Variants in FANCC observed in about 807,000 individuals in gnomAD.
The protein encoded by FANCC is Fanconi anemia group C protein.
Under a neutral mutation model 71.3 loss-of-function variants are expected in FANCC, and 55 were observed. The ratio of observed to expected loss-of-function variants is 0.77; its 90% CI spans 0.62 to 0.97. The LOEUF (loss-of-function observed/expected upper bound fraction) is 0.97. Among genes scored for constraint, FANCC ranks in the 50% least tolerant of loss-of-function variants. FANCC has a pLI of 0.00. For missense variants in FANCC, 678 were observed against 670.9 expected, an observed-to-expected ratio of 1.01 and a Z score of -0.12; for synonymous variants, 275 against 244.9, an observed-to-expected ratio of 1.12 and a Z score of -1.15.
chr9:95,271,924 C>CTTT (rs1300486732), intron 1 of FANCC, among the ~76,000 whole-genome samples: 23 of 67,210 alleles, frequency 3.4e-4, no homozygotes, highest in South Asian at 5.3e-4. Context: ...CATCAAGCCT[C>CTTT]TTCTTTTTTT....
intron 4 of FANCC, among the ~76,000 whole-genome samples, chr9:95,190,941 T>C (rs1393302187): frequency 6.6e-6 from 1 of 152,164 alleles, no homozygotes; most frequent in Non-Finnish European, 1.5e-5. Context: ...CCCGTGGTTT[T>C]GGATGCCATT....
intron 7 of FANCC, among the ~76,000 whole-genome samples, chr9:95,149,281 G>T (rs564727678): frequency 3.3e-5 from 5 of 152,118 alleles, no homozygotes; most frequent in African/African-American, 1.2e-4. Context: ...TAGTCGCTGG[G>T]GCCTACCTGA....
intron 4 of FANCC, among the ~76,000 whole-genome samples, chr9:95,204,457 C>A (rs748893745): frequency 7.8e-4 from 118 of 152,152 alleles, no homozygotes; most frequent in Non-Finnish European, 9.7e-4. Context: ...GTGGGAACCA[C>A]AACATGAGTC....
chr9:95,292,635 C>G (rs529476689), intron 1 of FANCC: 2 of 1,408,938 alleles, frequency 1.4e-6, no homozygotes, highest in Non-Finnish European at 2.0e-6. Context: ...CAGCCCCGCG[C>G]TCAACATGCA....
intron 4 of FANCC, among the ~76,000 whole-genome samples, chr9:95,181,151 C>T (rs1057189514): frequency 6.3e-5 from 7 of 110,700 alleles, no homozygotes; most frequent in East Asian, 5.6e-4. Context: ...CACACACACA[C>T]GTACACATTG....
intron 7 of FANCC, among the ~76,000 whole-genome samples, chr9:95,141,769 T>G (rs912958559): frequency 6.6e-6 from 1 of 152,130 alleles, no homozygotes; most frequent in African/African-American, 2.4e-5. Flanking sequence ...ATAAATTAGG[T>G]TCTTCTGATA....
intron 2 of FANCC, 23 bp from the exon 3 acceptor site, chr9:95,247,539 G>C: frequency 6.6e-7 from 1 of 1,504,162 alleles, no homozygotes; most frequent in East Asian, 2.3e-5. Flanking sequence ...AATAAATTTT[G>C]GTCAGTAAAG....
At chr9:95,139,059 C>T (rs947774302) in intron 7 of FANCC, among the ~76,000 whole-genome samples, 3 of 152,222 alleles carry the variant, frequency 2.0e-5, no homozygotes, top group African/African-American at 7.2e-5. Context: ...GAAGCAGTAT[C>T]ATCTTGATAT....
chr9:95,174,686 G>C (rs113333439), intron 4 of FANCC, among the ~76,000 whole-genome samples: 15 of 152,138 alleles, frequency 9.9e-5, no homozygotes, highest in African/African-American at 3.6e-4. Flanking sequence ...ACTGCATTTT[G>C]TGATAACACA....
intron 1 of FANCC, among the ~76,000 whole-genome samples, chr9:95,249,907 C>G (rs1831224101): frequency 6.6e-6 from 1 of 151,976 alleles, no homozygotes; most frequent in Non-Finnish European, 1.5e-5. Context: ...TAATTTATTC[C>G]ACATGTAACA....
intron 4 of FANCC, among the ~76,000 whole-genome samples, chr9:95,221,801 A>T (rs1485889374): frequency 1.3e-5 from 2 of 152,210 alleles, no homozygotes; most frequent in Non-Finnish European, 2.9e-5. Flanking sequence ...TACCAAAACC[A>T]CTTTGAGAGA....
intron 1 of FANCC, among the ~76,000 whole-genome samples, chr9:95,301,733 C>T (rs1371152303): frequency 1.3e-5 from 2 of 151,842 alleles, no homozygotes; most frequent in African/African-American, 4.8e-5. Context: ...TGCATTTTTT[C>T]CCTGTGTTTT....
chr9:95,122,223 T>C (rs957174946), intron 10 of FANCC, among the ~76,000 whole-genome samples: 4 of 152,116 alleles, frequency 2.6e-5, no homozygotes, highest in African/African-American at 9.7e-5. Flanking sequence ...GATAGACATA[T>C]ATTCAGATTA....
Position 95,291,282 on chromosome 9 carries a change from ACTGT to A in FANCC, c.-79+26240_-79+26243del, listed in dbSNP as rs1276841841. The stretch of plus-strand genomic sequence containing the variant: ...TCCAAACTGGAAAGGAGGAAGTTAA[ACTGT>A]CTATGTTTACAGATGACACAGTACA... On this transcript the variant is annotated intron_variant, in intron 1 of 14. Coordinates refer to ENST00000289081, the MANE Select transcript of FANCC (RefSeq NM_000136.3). Among the ~76,000 whole-genome samples, 18 of 152,304 alleles carry A rather than the reference ACTGT, an allele frequency of 1.2e-4. No homozygotes were observed. The East Asian group carries it at 3.3e-3, about 28-fold the overall frequency.
At chr9:95,178,129 A>G (rs920243289) in intron 4 of FANCC, among the ~76,000 whole-genome samples, 2 of 152,092 alleles carry the variant, frequency 1.3e-5, no homozygotes, top group Non-Finnish European at 1.5e-5. Flanking sequence ...GTAGCCCAGG[A>G]AAGTCAAAAG....
At chr9:95,183,508 T>C (rs1010400884) in intron 4 of FANCC, among the ~76,000 whole-genome samples, 2 of 152,244 alleles carry the variant, frequency 1.3e-5, no homozygotes, top group African/African-American at 4.8e-5. Context: ...GTGACCTTGT[T>C]ATAGGAGAAC....
At chr9:95,148,106 C>G (rs1366057980) in intron 7 of FANCC, among the ~76,000 whole-genome samples, 1 of 151,966 alleles carries the variant, frequency 6.6e-6, no homozygotes, top group Non-Finnish European at 1.5e-5. Flanking sequence ...TCTTCACCAC[C>G]ACACACACAC....
At position 95,294,731 on chromosome 9, in the gene FANCC, C is replaced by A. The variant is rs894521855; in HGVS notation, c.-79+22795G>T. On this transcript the variant is annotated intron_variant, in intron 1 of 14. Coordinates refer to ENST00000289081, the MANE Select transcript of FANCC (RefSeq NM_000136.3). ...GACGACTTTCTTCTGGCTGATATGG[C>A]CTGGAACATGATGGAGTCTCAGTTC... 6.9e-6 allele frequency: 11 copies of A among 1,602,022 alleles called. No homozygotes were observed. The East Asian group carries it at 2.0e-4, about 29-fold the overall frequency.
intron 1 of FANCC, among the ~76,000 whole-genome samples, chr9:95,252,274 C>CAAAAAAAAAAAAAAAAAAAAAAAAAA (rs71366284): frequency 6.4e-4 from 32 of 50,076 alleles, no homozygotes; most frequent in South Asian, 1.1e-3. Flanking sequence ...GAGACTGATT[C>CAAAAAAAAAAAAAAAAAAAAAAAAAA]AAAAAAAAAA....
Sources: gnomAD v4.1 joint callset for allele counts (sites outside exome capture counted in the v4.1 genomes callset) on GRCh38, gnomAD v4.1.1 for gene constraint, MANE v1.5 for transcripts, NCBI Gene and HGNC (gene_info 2026-07-23, HGNC 2026-07-21) for gene names.